VWA8: variants seen among roughly 807,000 people sequenced by gnomAD.
The protein encoded by VWA8 is von Willebrand factor A domain-containing protein 8.
In VWA8, 221 loss-of-function variants were observed where a neutral mutation model predicts 241.5. The observed-to-expected ratio is 0.91, with a 90% CI of 0.82 to 1.02. VWA8 has a LOEUF of 1.02. VWA8 is among the 50% of genes least tolerant of loss of function. The pLI, the probability that VWA8 is intolerant of heterozygous loss-of-function variation, is 0.00. For synonymous variants in VWA8, 852 were observed against 827.1 expected (o/e 1.03, Z -0.52); for missense variants, 2,322 against 2,328.7 (o/e 1.00, Z 0.06).
At chr13:41,857,110 C>T (rs1032775252) in intron 12 of VWA8, among the ~76,000 whole-genome samples, 7 of 152,000 alleles carry the variant, frequency 4.6e-5, no homozygotes, top group Non-Finnish European at 8.8e-5. Context: ...CTGGAAAATA[C>T]GGATAACAAA....
intron 37 of VWA8, among the ~76,000 whole-genome samples, chr13:41,618,162 T>C (rs913382180): frequency 1.3e-5 from 2 of 152,208 alleles, no homozygotes; most frequent in African/African-American, 2.4e-5. Flanking sequence ...TTTTTAATGA[T>C]TGCCATTCTA....
chr13:41,715,387 T>C (rs1170750527), intron 26 of VWA8, among the ~76,000 whole-genome samples: 1 of 151,974 alleles, frequency 6.6e-6, no homozygotes, highest in African/African-American at 2.4e-5. Context: ...ACATATAAAT[T>C]TAAGATAAAA....
intron 19 of VWA8, 123 bp downstream of exon 19, chr13:41,783,671 AT>A: frequency 1.5e-6 from 1 of 669,320 alleles, no homozygotes. Context: ...TCAACACTTC[AT>A]TTTGCATCAT....
intron 20 of VWA8, among the ~76,000 whole-genome samples, chr13:41,771,133 C>CT (rs1045518069): frequency 1.3e-5 from 2 of 151,940 alleles, no homozygotes; most frequent in Admixed American, 6.5e-5. Flanking sequence ...TAATTCCTTT[C>CT]TTTTTTTGAG....
chr13:41,576,533 A>G (rs1300136632), intron 42 of VWA8, among the ~76,000 whole-genome samples: 4 of 152,206 alleles, frequency 2.6e-5, no homozygotes, highest in Non-Finnish European at 5.9e-5. Context: ...TTATGCAAAA[A>G]TAGGAAGTGA....
chr13:41,587,397 A>G, intron 42 of VWA8, 115 bp downstream of exon 42: 1 of 1,364,510 alleles, frequency 7.3e-7, no homozygotes, highest in Non-Finnish European at 1.0e-6. Context: ...CTCTGCACTG[A>G]TGAATGAGCT....
At chr13:41,783,733 G>T in intron 19 of VWA8, 62 bp downstream of exon 19, 3 of 1,106,626 alleles carry the variant, frequency 2.7e-6, no homozygotes, top group South Asian at 1.4e-5. Flanking sequence ...AATTTCACTT[G>T]AATTGGAGTG....
intron 35 of VWA8, among the ~76,000 whole-genome samples, chr13:41,680,997 G>A (rs913972213): frequency 1.3e-5 from 2 of 152,154 alleles, no homozygotes; most frequent in African/African-American, 4.8e-5. Context: ...CCCAACTCCG[G>A]GGCCTCTGTG....
chr13:41,657,482 CTTTT>C (rs35182691), intron 37 of VWA8, among the ~76,000 whole-genome samples: 5 of 136,094 alleles, frequency 3.7e-5, no homozygotes, highest in African/African-American at 8.1e-5. Flanking sequence ...AAAAGTTATT[CTTTT>C]TTTTTTTTTT....
At position 41,626,595 on chromosome 13, in the gene VWA8, C is replaced by T. The variant is rs574295857; in HGVS notation, c.4612-11511G>A. ...CACATACATTAATGGAGCAGGTTAA[C>T]GAACCCCAAAGTAAAGCTGCACACC... On this transcript the variant is annotated intron_variant, in intron 37 of 44. Transcript: ENST00000379310. Among the ~76,000 whole-genome samples, 113 of 152,058 alleles carry T rather than the reference C, an allele frequency of 7.4e-4. 3 individuals carry two copies. In the South Asian group the frequency reaches 0.021, roughly 28 times the overall value.
At chr13:41,645,092 C>T (rs183199042) in intron 37 of VWA8, among the ~76,000 whole-genome samples, 41 of 152,296 alleles carry the variant, frequency 2.7e-4, no homozygotes, top group African/African-American at 9.6e-4. Flanking sequence ...CCGTGTAAGG[C>T]ACTTCATCTG....
intron 37 of VWA8, among the ~76,000 whole-genome samples, chr13:41,662,486 C>T (rs1265169055): frequency 1.4e-5 from 2 of 147,558 alleles, no homozygotes; most frequent in East Asian, 2.0e-4. Flanking sequence ...TTTTTGGCTT[C>T]GATAAACTCA....
rs76156942 is a variant in VWA8, at chr13:41,682,315, T to C, written c.4327+2732A>G. On this transcript the variant is annotated intron_variant, in intron 35 of 44. Coordinates refer to ENST00000379310, the MANE Select transcript of VWA8 (RefSeq NM_015058.2). ...CAAATGGTGCTGGTGCTGGAACAAT[T>C]GAATATCCCCATGCAATTAAAATAA... 3.9e-3 allele frequency among the ~76,000 whole-genome samples: 596 copies of C among 152,222 alleles called. 2 individuals are homozygous for C. The highest frequency in any genetic ancestry group is 0.013 in the African/African-American group (536 of 41,532).
At chr13:41,569,542 A>T (rs879148935) in intron 44 of VWA8, among the ~76,000 whole-genome samples, 4 of 152,204 alleles carry the variant, frequency 2.6e-5, no homozygotes, top group Admixed American at 2.6e-4. Flanking sequence ...GAAAGAGAAA[A>T]AGCTGCTAGC....
chr13:41,706,657 G>A (rs549509491), intron 26 of VWA8, among the ~76,000 whole-genome samples: 120 of 152,324 alleles, frequency 7.9e-4, no homozygotes, highest in African/African-American at 2.8e-3. Context: ...AAATGAGCAA[G>A]CTTTGGAATT....
At chr13:41,630,085 T>C (rs977809974) in intron 37 of VWA8, among the ~76,000 whole-genome samples, 5 of 152,176 alleles carry the variant, frequency 3.3e-5, no homozygotes, top group Admixed American at 2.0e-4. Context: ...GTTAGAAAGT[T>C]TGAGAATCAG....
chr13:41,738,990 A>G (rs2045546435), intron 21 of VWA8, among the ~76,000 whole-genome samples: 1 of 152,330 alleles, frequency 6.6e-6, no homozygotes, highest in South Asian at 2.1e-4. Context: ...GTAACAACAC[A>G]AAAGTGTGAT....
intron 37 of VWA8, among the ~76,000 whole-genome samples, chr13:41,667,900 CAT>C (rs561949705): frequency 2.4e-4 from 37 of 152,282 alleles, no homozygotes; most frequent in African/African-American, 8.7e-4. Context: ...AGGAAAAACA[CAT>C]GTTTCTATCA....
At chr13:41,601,134 T>A (rs562412416) in intron 40 of VWA8, among the ~76,000 whole-genome samples, 1 of 152,228 alleles carries the variant, frequency 6.6e-6, no homozygotes, top group East Asian at 1.9e-4. Flanking sequence ...TGTGTGTCCC[T>A]CAAGACTCAG....
Sources: gnomAD v4.1 joint callset for allele counts (sites outside exome capture counted in the v4.1 genomes callset) on GRCh38, gnomAD v4.1.1 for gene constraint, MANE v1.5 for transcripts, NCBI Gene and HGNC (gene_info 2026-07-23, HGNC 2026-07-21) for gene names.